NR3C1: variants seen among roughly 807,000 people sequenced by gnomAD.
NR3C1 encodes the protein nuclear receptor subfamily 3 group C member 1.
A neutral mutation model predicts 74.0 loss-of-function variants in NR3C1; 14 were observed. The ratio of observed to expected loss-of-function variants is 0.19; its 90% confidence interval spans 0.12 to 0.30. The LOEUF (loss-of-function observed/expected upper bound fraction) is 0.30. Among genes scored for constraint, NR3C1 ranks in the 10% least tolerant of loss-of-function variants. The pLI is 1.00. For missense variants in NR3C1, 695 were observed against 909.8 expected (o/e 0.76, Z 3.04); for synonymous variants, 308 against 332.5 (o/e 0.93, Z 0.80).
chr5:143,286,860 A>C (rs1260861092), intron 7 of NR3C1, among the ~76,000 whole-genome samples: 1 of 151,908 alleles, frequency 6.6e-6, no homozygotes, highest in African/African-American at 2.4e-5. Flanking sequence ...GCAAGTGCCT[A>C]AAAAAGTCTC....
rs1812596132 is a variant in NR3C1, at chr5:143,278,002, C to T, written c.*3887G>A. On this transcript the variant is annotated 3_prime_UTR_variant, in exon 9 of 9. Coordinates refer to ENST00000394464, the MANE Select transcript of NR3C1 (RefSeq NM_000176.3). ...CATTGCTGTAAATGGCTAACATTTACTGCCAATTCGGTACAAATGTGTGGT... is the reference window on the plus strand; with the variant it reads ...CATTGCTGTAAATGGCTAACATTTATTGCCAATTCGGTACAAATGTGTGGT... The T allele has an allele frequency of 6.6e-6, 1 of 152,108 alleles. No individual in the cohort carries two copies. The allele number at this position is 152,108 out of a possible 1,614,324, so 9.4% of individuals were successfully genotyped here. A position where few individuals can be genotyped will look rare whatever the true frequency, so the allele number is the denominator to read the frequency against.
intron 2 of NR3C1, among the ~76,000 whole-genome samples, chr5:143,358,557 T>G (rs1170011551): frequency 6.6e-6 from 1 of 152,242 alleles, no homozygotes; most frequent in Non-Finnish European, 1.5e-5. Context: ...CTTAATCCAT[T>G]CTTGCTAAAA....
At chr5:143,304,424 G>A (rs1819137616) in intron 4 of NR3C1, among the ~76,000 whole-genome samples, 1 of 151,996 alleles carries the variant, frequency 6.6e-6, no homozygotes, top group East Asian at 1.9e-4. Context: ...ACAAACAAAT[G>A]GAATAACATT....
intron 7 of NR3C1, among the ~76,000 whole-genome samples, chr5:143,284,860 T>C (rs1020471051): frequency 6.6e-6 from 1 of 152,090 alleles, no homozygotes; most frequent in African/African-American, 2.4e-5. Flanking sequence ...GTAATTATCA[T>C]ACTGCAGTGA....
chr5:143,305,592 A>T (rs115426193), intron 4 of NR3C1, among the ~76,000 whole-genome samples: 3,921 of 152,292 alleles, frequency 0.026, 194 homozygotes, highest in African/African-American at 0.089. Flanking sequence ...CGTCCTTTGC[A>T]GCAACATGGA....
At chr5:143,396,510 C>T (rs1455200320) in intron 2 of NR3C1, among the ~76,000 whole-genome samples, 3 of 151,746 alleles carry the variant, frequency 2.0e-5, no homozygotes, top group Admixed American at 6.6e-5. Context: ...CTCTTCTCTT[C>T]GTATTTCCTC....
At chr5:143,403,827 T>TGCCCCCACGCCCTCCGCGCGG (rs1840820222), upstream of NR3C1, 1 of 969,022 alleles carries the variant, frequency 1.0e-6, no homozygotes, top group Non-Finnish European at 1.2e-6. Flanking sequence ...CCGCGGTCCC[T>TGCCCCCACGCCCTCCGCGCGG]GCCCCCACGC....
chr5:143,310,252 C>A (rs777768707), intron 3 of NR3C1, 39 bp from the exon 4 acceptor site: 1 of 1,371,958 alleles, frequency 7.3e-7, no homozygotes, highest in Non-Finnish European at 1.0e-6. Flanking sequence ...TTTCACAGGT[C>A]TTCAAACATA....
rs536765172 is a variant in NR3C1 at position 143,383,901 on chromosome 5, T to C, written c.1184+15755A>G. Among the ~76,000 whole-genome samples, 13 of 152,344 alleles carry C rather than the reference T, an allele frequency of 8.5e-5. No individual in the cohort carries two copies. In the South Asian group the frequency reaches 2.5e-3, roughly 29 times the overall value. On this transcript the variant is annotated intron_variant, in intron 2 of 8. Transcript: ENST00000394464. ...TTAAAATTTTAAATACACATACCCCTGACTCAGGAACCCAACTTTGGGGAA... is the reference window on the plus strand; with the variant it reads ...TTAAAATTTTAAATACACATACCCCCGACTCAGGAACCCAACTTTGGGGAA...
At chr5:143,353,634 T>C (rs1011096511) in intron 2 of NR3C1, among the ~76,000 whole-genome samples, 1 of 152,188 alleles carries the variant, frequency 6.6e-6, no homozygotes, top group East Asian at 1.9e-4. Context: ...TTGAAAGTAA[T>C]CATTTTTTTC....
rs574223824 is a variant in NR3C1 at position 143,361,626 on chromosome 5, A to G, written c.1184+38030T>C. 3.3e-5 allele frequency among the ~76,000 whole-genome samples: 5 copies of G among 152,348 alleles called. No homozygotes were observed. In the South Asian group the frequency reaches 1.0e-3, roughly 32 times the overall value. On this transcript the variant is annotated intron_variant, in intron 2 of 8. Transcript: ENST00000394464. ...ATTGCTCAAACACTGCCTTATAGAT[A>G]AAGATCGCTCTACTACTGAAGCTGT... is the stretch of plus-strand genomic sequence containing the variant.
At chr5:143,337,648 G>C (rs777412180) in intron 2 of NR3C1, among the ~76,000 whole-genome samples, 1 of 152,074 alleles carries the variant, frequency 6.6e-6, no homozygotes, top group Non-Finnish European at 1.5e-5. Flanking sequence ...ATTCTATACA[G>C]CAATGAATAA....
intron 7 of NR3C1, among the ~76,000 whole-genome samples, chr5:143,284,436 C>T (rs778934121): frequency 6.2e-5 from 9 of 145,286 alleles, no homozygotes; most frequent in East Asian, 5.8e-4. Flanking sequence ...GGAGTGATAA[C>T]GGCATTCTAT....
At chr5:143,375,757 G>C (rs949916331) in intron 2 of NR3C1, 5 of 152,180 alleles carry the variant, frequency 3.3e-5, no homozygotes, top group Admixed American at 3.3e-4. Flanking sequence ...CTACTTCCCT[G>C]AAGACTGTTT....
chr5:143,308,175 C>T (rs977768816), intron 4 of NR3C1, among the ~76,000 whole-genome samples: 2 of 152,118 alleles, frequency 1.3e-5, no homozygotes, highest in East Asian at 1.9e-4. Context: ...AAAAGAACCA[C>T]ATAGGTCAGT....
intron 2 of NR3C1, among the ~76,000 whole-genome samples, chr5:143,382,200 A>C (rs1458560104): frequency 6.6e-6 from 1 of 152,154 alleles, no homozygotes; most frequent in African/African-American, 2.4e-5. Context: ...GCAAATCAAA[A>C]CTACAATGAG....
At position 143,403,329 on chromosome 5, in the gene NR3C1, A is replaced by C; in HGVS notation, c.-132T>G. ...GGAAATATATTTTTTTTTTCTAAAA[A>C]AAGGAAGTAAACAGCCGCCCCTTTC... is the stretch of plus-strand genomic sequence containing the variant. On this transcript the variant is annotated 5_prime_UTR_variant, in exon 1 of 9. Coordinates refer to ENST00000394464, the MANE Select transcript of NR3C1 (RefSeq NM_000176.3). The C allele has an allele frequency of 2.0e-6, 2 of 985,144 alleles. No individual in the cohort carries two copies. The highest frequency in any genetic ancestry group is 2.4e-6 in the Non-Finnish European group (2 of 829,698). 61.0% of individuals were successfully genotyped at this position (985,144 alleles called of 1,614,324 possible).
At chr5:143,282,863 T>C in intron 7 of NR3C1, 138 bp from the exon 8 acceptor site, 1 of 855,840 alleles carries the variant, frequency 1.2e-6, no homozygotes, top group Non-Finnish European at 1.8e-6. Flanking sequence ...CACTGGAGCC[T>C]TGACCTCCTT....
chr5:143,369,849 C>A (rs1025860214), intron 2 of NR3C1, among the ~76,000 whole-genome samples: 1 of 152,184 alleles, frequency 6.6e-6, no homozygotes, highest in African/African-American at 2.4e-5. Context: ...TAATATCATT[C>A]TGTTCCAAAC....
Sources: gnomAD v4.1 joint callset for allele counts (sites outside exome capture counted in the v4.1 genomes callset) on GRCh38, gnomAD v4.1.1 for gene constraint, MANE v1.5 for transcripts, NCBI Gene and HGNC (gene_info 2026-07-23, HGNC 2026-07-21) for gene names.